YAP1: variants seen among roughly 807,000 people sequenced by gnomAD.
YAP1 encodes transcriptional coactivator YAP1.
In YAP1, 5 loss-of-function variants were observed where a neutral mutation model predicts 56.9. That is an observed-to-expected ratio of 0.09 (90% CI 0.05 to 0.18). YAP1 has a LOEUF of 0.18. Ranked by LOEUF, YAP1 falls within the 10% of genes least tolerant of loss-of-function variation. YAP1 has a pLI of 1.00. For synonymous variants in YAP1, 265 were observed against 248.1 expected (o/e 1.07, Z -0.64); for missense variants, 539 against 651.8 (o/e 0.83, Z 1.88).
Position 102,147,824 on chromosome 11 carries a change from G to C in YAP1, c.573-14632G>C, listed in dbSNP as rs529865568. The stretch of plus-strand genomic sequence containing the variant: ...TTCAACAGCTTTTACTAAACATTTC[G>C]TAACCATGTACATATTACTTAATAT... On this transcript the variant is annotated intron_variant, in intron 2 of 8. Transcript: ENST00000282441. Among the ~76,000 whole-genome samples the C allele has an allele frequency of 2.0e-5, 3 of 151,884 alleles. No individual in the cohort carries two copies. The East Asian group carries it at 5.8e-4, about 29-fold the overall frequency.
intron 2 of YAP1, among the ~76,000 whole-genome samples, chr11:102,153,982 T>G (rs1430540122): frequency 6.6e-6 from 1 of 152,214 alleles, no homozygotes; most frequent in Non-Finnish European, 1.5e-5. Flanking sequence ...GTGATCATGT[T>G]ACTTAATATT....
intron 4 of YAP1, among the ~76,000 whole-genome samples, chr11:102,196,364 T>C (rs1447824114): frequency 6.6e-6 from 1 of 152,180 alleles, no homozygotes; most frequent in Admixed American, 6.5e-5. Context: ...TATATTCATA[T>C]AATGGAATAT....
At chr11:102,150,917 C>G (rs1945611083) in intron 2 of YAP1, among the ~76,000 whole-genome samples, 1 of 150,676 alleles carries the variant, frequency 6.6e-6, no homozygotes. Flanking sequence ...TCTCCTGCCT[C>G]ACCTTCCTGA....
intron 2 of YAP1, among the ~76,000 whole-genome samples, chr11:102,141,980 A>G (rs575890422): frequency 4.8e-4 from 73 of 152,344 alleles, no homozygotes; most frequent in Non-Finnish European, 9.0e-4. Flanking sequence ...GTGAAATTCA[A>G]TAGATTTCCT....
At chr11:102,204,261 G>A (rs1215443207) in intron 4 of YAP1, among the ~76,000 whole-genome samples, 2 of 150,922 alleles carry the variant, frequency 1.3e-5, no homozygotes, top group Non-Finnish European at 2.9e-5. Flanking sequence ...CTAATGTAAA[G>A]AGAAATTAAA....
chr11:102,205,763 G>C, intron 4 of YAP1, 130 bp from the exon 5 acceptor site: 2 of 776,284 alleles, frequency 2.6e-6, no homozygotes, highest in Non-Finnish European at 3.8e-6. Flanking sequence ...TGGATTTTTA[G>C]GTTATTTCCA....
chr11:102,192,522 A>G (rs1435795248), intron 4 of YAP1, among the ~76,000 whole-genome samples: 1 of 152,230 alleles, frequency 6.6e-6, no homozygotes, highest in Non-Finnish European at 1.5e-5. Context: ...TGGGATGTAG[A>G]AAAATTTACC....
chr11:102,153,579 C>T (rs1945783569), intron 2 of YAP1, among the ~76,000 whole-genome samples: 1 of 152,080 alleles, frequency 6.6e-6, no homozygotes, highest in Non-Finnish European at 1.5e-5. Flanking sequence ...GAAGTGAGTT[C>T]TGTGGATAAC....
intron 4 of YAP1, among the ~76,000 whole-genome samples, chr11:102,198,920 G>A (rs1948705120): frequency 6.6e-6 from 1 of 151,946 alleles, no homozygotes; most frequent in African/African-American, 2.4e-5. Flanking sequence ...AGACCTTGTA[G>A]GAAAGAGAAA....
intron 1 of YAP1, 42 bp downstream of exon 1, chr11:102,111,211 C>T (rs1942878302): frequency 1.2e-6 from 2 of 1,605,318 alleles, no homozygotes; most frequent in Admixed American, 3.4e-5. Flanking sequence ...GTCGGGCGGG[C>T]CTCAGACCGG....
intron 3 of YAP1, among the ~76,000 whole-genome samples, chr11:102,174,880 A>G (rs1947146127): frequency 6.6e-6 from 1 of 152,328 alleles, no homozygotes; most frequent in East Asian, 1.9e-4. Flanking sequence ...ATGCTGGTGC[A>G]TAGAATGCAG....
intron 5 of YAP1, among the ~76,000 whole-genome samples, chr11:102,207,411 G>T (rs947460746): frequency 6.6e-6 from 1 of 151,944 alleles, no homozygotes; most frequent in Admixed American, 6.6e-5. Context: ...GTCATACTCG[G>T]CCAGGCATGG....
intron 2 of YAP1, among the ~76,000 whole-genome samples, chr11:102,126,356 C>T (rs1944035079): frequency 6.6e-6 from 1 of 152,162 alleles, no homozygotes; most frequent in Non-Finnish European, 1.5e-5. Flanking sequence ...AATTTTATCT[C>T]CCAGAATTCC....
rs113314518 is a variant in YAP1 at position 102,135,107 on chromosome 11, G to C, written c.572+20713G>C. ...TGGTCTTGAACTCCTGACCTCAGGT[G>C]GTCTGCCCACGTTAGCCTCCCAAAG... is the stretch of plus-strand genomic sequence containing the variant. On this transcript the variant is annotated intron_variant, in intron 2 of 8. Transcript: ENST00000282441. Among the ~76,000 whole-genome samples, 493 of 152,192 alleles carry C rather than the reference G, an allele frequency of 3.2e-3. 1 individual carries two copies. The highest frequency in any genetic ancestry group is 5.7e-3 in the Non-Finnish European group (387 of 67,984).
At chr11:102,210,162 T>C (rs1233812673) in intron 6 of YAP1, among the ~76,000 whole-genome samples, 1 of 152,176 alleles carries the variant, frequency 6.6e-6, no homozygotes, top group Non-Finnish European at 1.5e-5. Context: ...GAAGGAAAGA[T>C]TGTGGCCAAT....
At chr11:102,202,633 A>G (rs2135581153) in intron 4 of YAP1, among the ~76,000 whole-genome samples, 1 of 152,246 alleles carries the variant, frequency 6.6e-6, no homozygotes, top group African/African-American at 2.4e-5. Flanking sequence ...AATACTTAAT[A>G]TGGGAAAATT....
rs1192072116 is a variant in YAP1, at chr11:102,232,452, C to T, written c.*2512C>T. Reference sequence around the variant, plus strand: ...TGAATATGGAGATCTTCCTTTACCCCTCAACTTTAATTTGCCCAGTTATAC... The same window carrying T: ...TGAATATGGAGATCTTCCTTTACCCTTCAACTTTAATTTGCCCAGTTATAC... On this transcript the variant is annotated 3_prime_UTR_variant, in exon 9 of 9. Transcript: ENST00000282441. 1 of 152,240 alleles carries T rather than the reference C, an allele frequency of 6.6e-6. No individual in the cohort carries two copies. The highest frequency in any genetic ancestry group is 2.4e-5 in the African/African-American group (1 of 41,436). The allele number at this position is 152,240 out of a possible 1,614,324, so 9.4% of individuals were successfully genotyped here. A position where few individuals can be genotyped will look rare whatever the true frequency, so the allele number is the denominator to read the frequency against.
At chr11:102,153,872 A>G (rs949082575) in intron 2 of YAP1, among the ~76,000 whole-genome samples, 2 of 152,002 alleles carry the variant, frequency 1.3e-5, no homozygotes, top group Non-Finnish European at 2.9e-5. Flanking sequence ...AAAAATCTGT[A>G]AGACCTAGAA....
chr11:102,179,384 T>C (rs950323611), intron 3 of YAP1, among the ~76,000 whole-genome samples: 1 of 152,184 alleles, frequency 6.6e-6, no homozygotes, highest in Non-Finnish European at 1.5e-5. Flanking sequence ...GAGGTTGTCA[T>C]GAGTTTGGGG....
Sources: gnomAD v4.1 joint callset for allele counts (sites outside exome capture counted in the v4.1 genomes callset) on GRCh38, gnomAD v4.1.1 for gene constraint, MANE v1.5 for transcripts, NCBI Gene and HGNC (gene_info 2026-07-23, HGNC 2026-07-21) for gene names.